The following SPATA16 variants were observed in gnomAD, a reference collection of about 807,000 sequenced individuals.
The protein encoded by SPATA16 is spermatogenesis-associated protein 16.
A neutral mutation model predicts 63.3 loss-of-function variants in SPATA16; 36 were observed. The ratio of observed to expected loss-of-function variants is 0.57; its 90% CI spans 0.44 to 0.75. The LOEUF is 0.75. SPATA16 is among the 30% of genes least tolerant of loss of function. SPATA16 has a pLI of 0.00. For synonymous variants in SPATA16, 203 were observed against 216.7 expected (o/e 0.94, Z 0.56); for missense variants, 646 against 679.3 (o/e 0.95, Z 0.54).
At chr3:172,999,873 T>C (rs921046481) in intron 4 of SPATA16, among the ~76,000 whole-genome samples, 3 of 152,244 alleles carry the variant, frequency 2.0e-5, no homozygotes, top group Non-Finnish European at 4.4e-5. Flanking sequence ...TGATTTTCTC[T>C]ATTCATATCT....
intron 6 of SPATA16, among the ~76,000 whole-genome samples, chr3:172,936,974 G>A (rs1560072367): frequency 6.6e-6 from 1 of 152,186 alleles, no homozygotes; most frequent in Non-Finnish European, 1.5e-5. Flanking sequence ...GCCTCCCAAA[G>A]TGCTGGGATT....
At chr3:172,905,497 A>G (rs1026907415) in intron 10 of SPATA16, among the ~76,000 whole-genome samples, 1 of 152,040 alleles carries the variant, frequency 6.6e-6, no homozygotes, top group African/African-American at 2.4e-5. Flanking sequence ...TTTTCCCTCT[A>G]CCTCCTCAAC....
At chr3:172,895,737 G>T (rs1222196852) in intron 10 of SPATA16, among the ~76,000 whole-genome samples, 3 of 152,124 alleles carry the variant, frequency 2.0e-5, no homozygotes, top group African/African-American at 7.2e-5. Context: ...TCAGGTTGTT[G>T]TATCAATAGT....
intron 2 of SPATA16, among the ~76,000 whole-genome samples, chr3:173,103,196 A>G (rs1377134865): frequency 2.6e-5 from 4 of 152,182 alleles, no homozygotes; most frequent in African/African-American, 9.6e-5. Flanking sequence ...TGAGTGCATG[A>G]TGCTTTTCCA....
At chr3:172,908,071 A>T (rs761464065) in intron 10 of SPATA16, among the ~76,000 whole-genome samples, 9 of 152,172 alleles carry the variant, frequency 5.9e-5, no homozygotes, top group Non-Finnish European at 1.3e-4. Flanking sequence ...TGCAGACATT[A>T]TGAGGGCACT....
At chr3:173,129,715 CA>C (rs563609400) in intron 1 of SPATA16, among the ~76,000 whole-genome samples, 82 of 152,140 alleles carry the variant, frequency 5.4e-4, no homozygotes, top group African/African-American at 1.8e-3. Context: ...AGTAAGTTGG[CA>C]ATTAATATTT....
At chr3:173,140,140 T>C (rs1441277811) in intron 1 of SPATA16, among the ~76,000 whole-genome samples, 1 of 152,206 alleles carries the variant, frequency 6.6e-6, no homozygotes, top group African/African-American at 2.4e-5. Context: ...AAGGTGCTAG[T>C]TTCACTGCTC....
At chr3:173,025,452 TAA>T (rs377644459) in intron 3 of SPATA16, among the ~76,000 whole-genome samples, 5 of 151,894 alleles carry the variant, frequency 3.3e-5, no homozygotes, top group Non-Finnish European at 7.4e-5. Context: ...TGTTTTTATT[TAA>T]GTCAGTTTTA....
intron 3 of SPATA16, among the ~76,000 whole-genome samples, chr3:173,041,256 C>A (rs1735832229): frequency 6.6e-6 from 1 of 152,122 alleles, no homozygotes; most frequent in Admixed American, 6.6e-5. Flanking sequence ...TTCACACTGG[C>A]AAGCCCATAC....
At chr3:172,989,148 G>A (rs138565790) in intron 4 of SPATA16, among the ~76,000 whole-genome samples, 421 of 152,118 alleles carry the variant, frequency 2.8e-3, no homozygotes, top group African/African-American at 9.7e-3. Flanking sequence ...ACCCACCTAG[G>A]CCTGGTCCCT....
At chr3:173,074,866 C>T (rs1261734515) in intron 2 of SPATA16, among the ~76,000 whole-genome samples, 10 of 151,600 alleles carry the variant, frequency 6.6e-5, no homozygotes, top group East Asian at 3.9e-4. Flanking sequence ...GGCATAGTGG[C>T]GTATGCCTGT....
intron 1 of SPATA16, among the ~76,000 whole-genome samples, chr3:173,132,387 GAAGCAA>G (rs1274120794): frequency 6.6e-6 from 1 of 152,150 alleles, no homozygotes; most frequent in Non-Finnish European, 1.5e-5. Context: ...CACAGAGAAT[GAAGCAA>G]AAGCAAAAGA....
intron 2 of SPATA16, among the ~76,000 whole-genome samples, chr3:173,098,873 ACT>A (rs1737422678): frequency 6.6e-6 from 1 of 152,138 alleles, no homozygotes; most frequent in Non-Finnish European, 1.5e-5. Flanking sequence ...CTGCAGCAAC[ACT>A]CTGATGAGTT....
chr3:173,121,754 T>A (rs116591569), intron 1 of SPATA16, among the ~76,000 whole-genome samples: 213 of 152,300 alleles, frequency 1.4e-3, no homozygotes, highest in Admixed American at 5.0e-3. Flanking sequence ...TGGATTTTTT[T>A]AAAAAGGTAT....
chr3:173,043,389 T>TA (rs1314582115), intron 3 of SPATA16, among the ~76,000 whole-genome samples: 1 of 151,954 alleles, frequency 6.6e-6, no homozygotes, highest in African/African-American at 2.4e-5. Flanking sequence ...CCATTTCATG[T>TA]AAAAAAGCCT....
chr3:173,122,860 A>G (rs1738117493), intron 1 of SPATA16, among the ~76,000 whole-genome samples: 2 of 152,178 alleles, frequency 1.3e-5, no homozygotes, highest in Non-Finnish European at 2.9e-5. Context: ...ATTGATGTGT[A>G]GTTTCTTCAG....
intron 4 of SPATA16, among the ~76,000 whole-genome samples, chr3:173,009,553 G>A (rs532012022): frequency 1.3e-5 from 2 of 152,352 alleles, no homozygotes; most frequent in Admixed American, 1.3e-4. Context: ...GCACCCTAGA[G>A]CCAGCTACAG....
At chr3:173,034,409 G>T (rs565100416) in intron 3 of SPATA16, among the ~76,000 whole-genome samples, 1 of 152,208 alleles carries the variant, frequency 6.6e-6, no homozygotes, top group African/African-American at 2.4e-5. Context: ...TTAGAGGGAA[G>T]TTTGACAGAA....
chr3:173,101,735 T>G (rs2108325958), intron 2 of SPATA16, among the ~76,000 whole-genome samples: 1 of 152,306 alleles, frequency 6.6e-6, no homozygotes, highest in South Asian at 2.1e-4. Flanking sequence ...ATGAAATTGC[T>G]TAACCTCTCA....
Sources: gnomAD v4.1 joint callset for allele counts (sites outside exome capture counted in the v4.1 genomes callset) on GRCh38, gnomAD v4.1.1 for gene constraint, MANE v1.5 for transcripts, NCBI Gene and HGNC (gene_info 2026-07-23, HGNC 2026-07-21) for gene names.